ARL13B: variants seen among roughly 807,000 people sequenced by gnomAD.
ARL13B encodes ADP-ribosylation factor-like protein 13B.
In ARL13B, 36 loss-of-function variants were observed where a neutral mutation model predicts 56.1. The observed-to-expected ratio is 0.64, with a 90% confidence interval of 0.49 to 0.85. The LOEUF is 0.85. Ranked by LOEUF, ARL13B falls within the 40% of genes least tolerant of loss-of-function variation. The pLI is 0.00. For synonymous variants in ARL13B, 178 were observed against 171.1 expected (o/e 1.04, Z -0.32); for missense variants, 519 against 507.1 (o/e 1.02, Z -0.23).
intron 7 of ARL13B, among the ~76,000 whole-genome samples, chr3:94,048,771 T>C (rs1425877470): frequency 5.9e-5 from 9 of 151,854 alleles, no homozygotes; most frequent in East Asian, 1.9e-4. Flanking sequence ...GTTTTTTTTT[T>C]CCCCCATAGA....
At chr3:93,988,369 G>C (rs1040364210) in intron 1 of ARL13B, among the ~76,000 whole-genome samples, 2 of 152,258 alleles carry the variant, frequency 1.3e-5, no homozygotes, top group East Asian at 3.9e-4. Context: ...CCCATCTGTG[G>C]AATGTTAAGC....
intron 3 of ARL13B, among the ~76,000 whole-genome samples, chr3:94,027,664 A>T (rs993922482): frequency 1.3e-5 from 2 of 152,080 alleles, no homozygotes; most frequent in Admixed American, 1.3e-4. Context: ...CATAGTAACA[A>T]TTATAACTTT....
chr3:93,984,717 A>G (rs554845191), intron 1 of ARL13B, among the ~76,000 whole-genome samples: 1 of 152,288 alleles, frequency 6.6e-6, no homozygotes, highest in Non-Finnish European at 1.5e-5. Flanking sequence ...TTAAATATAA[A>G]CATTTAAAAT....
At position 94,010,136 on chromosome 3, in the gene ARL13B, G is replaced by C. The variant is rs187983539; in HGVS notation, c.380+6228G>C. Among the ~76,000 whole-genome samples, 18 of 152,244 alleles carry C rather than the reference G, an allele frequency of 1.2e-4. 2 individuals are homozygous for C. The East Asian group carries it at 3.5e-3, about 29-fold the overall frequency. ...AAAATTGAGAACTACTGGTGTAGGA[G>C]AAAGTGTTAAGTCAGAAAGGCCCTA... On this transcript the variant is annotated intron_variant, in intron 3 of 9. Coordinates refer to ENST00000394222, the MANE Select transcript of ARL13B (RefSeq NM_001174150.2).
intron 1 of ARL13B, among the ~76,000 whole-genome samples, chr3:93,983,747 G>A (rs970088171): frequency 6.6e-6 from 1 of 151,790 alleles, no homozygotes; most frequent in African/African-American, 2.4e-5. Flanking sequence ...GATTACTGTT[G>A]TGTTTTTTCT....
At chr3:94,021,989 T>A (rs1412353161) in intron 3 of ARL13B, among the ~76,000 whole-genome samples, 4 of 152,146 alleles carry the variant, frequency 2.6e-5, no homozygotes, top group Admixed American at 6.5e-5. Context: ...CCGTACCACA[T>A]CCCCTTTCCA....
chr3:94,034,617 A>G (rs2076735590), intron 3 of ARL13B, among the ~76,000 whole-genome samples: 1 of 151,982 alleles, frequency 6.6e-6, no homozygotes, highest in Non-Finnish European at 1.5e-5. Flanking sequence ...AGAATTGTAG[A>G]TGAGCTCAAA....
chr3:94,019,485 G>A (rs993939162), intron 3 of ARL13B, among the ~76,000 whole-genome samples: 4 of 152,064 alleles, frequency 2.6e-5, no homozygotes, highest in East Asian at 1.9e-4. Flanking sequence ...ATGAGCCACC[G>A]CAACTGGTCA....
At chr3:94,009,269 T>A (rs1030604799) in intron 3 of ARL13B, among the ~76,000 whole-genome samples, 12 of 152,126 alleles carry the variant, frequency 7.9e-5, no homozygotes, top group Non-Finnish European at 1.5e-4. Flanking sequence ...GTCAGTGATT[T>A]TCCATATTAG....
intron 1 of ARL13B, among the ~76,000 whole-genome samples, chr3:93,993,044 A>T (rs2075903972): frequency 6.7e-6 from 1 of 149,354 alleles, no homozygotes; most frequent in South Asian, 2.1e-4. Flanking sequence ...AGCTCGAGTG[A>T]TCGGCCCTCC....
chr3:93,994,547 G>C (rs2075933125), intron 1 of ARL13B, among the ~76,000 whole-genome samples: 1 of 152,128 alleles, frequency 6.6e-6, no homozygotes, highest in Non-Finnish European at 1.5e-5. Context: ...TAATAAGGAA[G>C]AGTTTCTTTA....
chr3:94,018,083 T>TACAG (rs1485284534), intron 3 of ARL13B, among the ~76,000 whole-genome samples: 1 of 152,220 alleles, frequency 6.6e-6, no homozygotes, highest in East Asian at 1.9e-4. Context: ...TTTAAACTGA[T>TACAG]ACAGGGGTGT....
At chr3:94,049,265 G>C (rs1274357511) in intron 7 of ARL13B, 141 bp from the exon 8 acceptor site, 3 of 517,696 alleles carry the variant, frequency 5.8e-6, no homozygotes, top group Admixed American at 3.6e-5. Flanking sequence ...TACACATTTG[G>C]TTATTGTAAC....
intron 2 of ARL13B, among the ~76,000 whole-genome samples, chr3:94,001,944 T>C (rs1401409673): frequency 6.6e-6 from 1 of 152,216 alleles, no homozygotes; most frequent in East Asian, 1.9e-4. Flanking sequence ...CTTTACCTTT[T>C]TCTTTTTCTA....
intron 1 of ARL13B, among the ~76,000 whole-genome samples, chr3:93,991,774 CT>C (rs1428604957): frequency 6.6e-6 from 1 of 152,112 alleles, no homozygotes; most frequent in Non-Finnish European, 1.5e-5. Context: ...GAATGTTAAC[CT>C]TTTAATTGCA....
chr3:94,044,181 G>A (rs1339406066), intron 7 of ARL13B, among the ~76,000 whole-genome samples: 4 of 151,468 alleles, frequency 2.6e-5, no homozygotes, highest in Admixed American at 1.3e-4. Flanking sequence ...GAGCGCCTCT[G>A]CCTGGCTGCC....
chr3:94,026,227 G>C (rs1416702509), intron 3 of ARL13B, among the ~76,000 whole-genome samples: 2 of 152,134 alleles, frequency 1.3e-5, no homozygotes, highest in Non-Finnish European at 2.9e-5. Flanking sequence ...CACCGTGTGA[G>C]CCAGGAGAAA....
At chr3:93,985,246 A>C (rs1164495959) in intron 1 of ARL13B, among the ~76,000 whole-genome samples, 2 of 152,220 alleles carry the variant, frequency 1.3e-5, no homozygotes, top group Admixed American at 6.5e-5. Flanking sequence ...AAGGTCTGTG[A>C]AGCTATGATG....
chr3:94,026,362 G>A (rs2076558336), intron 3 of ARL13B, among the ~76,000 whole-genome samples: 1 of 152,108 alleles, frequency 6.6e-6, no homozygotes, highest in Admixed American at 6.5e-5. Flanking sequence ...TGTGCATTTT[G>A]ACTGAAAGTC....
Sources: allele counts gnomAD v4.1 joint callset (sites outside exome capture counted in the v4.1 genomes callset), GRCh38; gene constraint gnomAD v4.1.1; transcripts MANE v1.5; gene names NCBI Gene and HGNC (gene_info 2026-07-23, HGNC 2026-07-21).